Variants in RBM33 observed in about 807,000 individuals in gnomAD.
RBM33 encodes the protein RNA binding motif protein 33.
RBM33 carries 28 observed loss-of-function variants against 132.6 expected under a neutral mutation model. The observed-to-expected ratio is 0.21, with a 90% CI of 0.16 to 0.29. The LOEUF (loss-of-function observed/expected upper bound fraction) is 0.29, where lower values mean the gene tolerates loss of function less well. Among genes scored for constraint, RBM33 ranks in the 10% least tolerant of loss-of-function variants. The pLI, the probability that RBM33 is intolerant of heterozygous loss-of-function variation, is 1.00. For synonymous variants in RBM33, 634 were observed against 593.0 expected (o/e 1.07, Z -1.01); for missense variants, 1,291 against 1,518.5 (o/e 0.85, Z 2.49).
At chr7:155,722,289 C>T (rs948142705) in intron 9 of RBM33, among the ~76,000 whole-genome samples, 1 of 152,172 alleles carries the variant, frequency 6.6e-6, no homozygotes, top group African/African-American at 2.4e-5. Flanking sequence ...CTGGTCTGGC[C>T]TCTTAACCAT....
chr7:155,750,904 A>G (rs1801669117), intron 14 of RBM33, among the ~76,000 whole-genome samples: 1 of 152,206 alleles, frequency 6.6e-6, no homozygotes, highest in South Asian at 2.1e-4. Flanking sequence ...AGCAGCACAG[A>G]ATGCCCCCGC....
intron 5 of RBM33, among the ~76,000 whole-genome samples, chr7:155,698,563 A>G (rs1799865620): frequency 6.6e-6 from 1 of 152,204 alleles, no homozygotes; most frequent in African/African-American, 2.4e-5. Context: ...GTGGTTTGTC[A>G]GGTTAGTTTC....
In RBM33 at chr7:155,779,770, C is replaced by G. The variant is rs1032104539; in HGVS notation, c.*4729C>G. ...AAAATGCTTTTAATGTCTCAACTCT[C>G]TCTTTTCTGTGTCATGTTTTGGTAG... On this transcript the variant is annotated 3_prime_UTR_variant, in exon 18 of 18. Coordinates refer to ENST00000401878, the MANE Select transcript of RBM33 (RefSeq NM_053043.3). 4 of 152,150 alleles carry G rather than the reference C, an allele frequency of 2.6e-5. No individual in the cohort carries two copies. Among genetic ancestry groups the G allele is most frequent in the African/African-American group, 7.2e-5 (3 of 41,438 alleles). The allele number at this position is 152,150 out of a possible 1,614,324, so 9.4% of individuals were successfully genotyped here.
At chr7:155,653,201 C>T (rs1798402782) in intron 1 of RBM33, among the ~76,000 whole-genome samples, 1 of 151,978 alleles carries the variant, frequency 6.6e-6, no homozygotes, top group Non-Finnish European at 1.5e-5. Flanking sequence ...GCTTTCAGTT[C>T]TTTTGAGTGT....
intron 14 of RBM33, among the ~76,000 whole-genome samples, chr7:155,752,806 T>C (rs1377757733): frequency 3.3e-5 from 5 of 152,174 alleles, no homozygotes; most frequent in Non-Finnish European, 4.4e-5. Context: ...TGGATGCAGC[T>C]CAAGTGGGTC....
At chr7:155,762,328 CT>C (rs757397184) in intron 14 of RBM33, among the ~76,000 whole-genome samples, 1 of 152,216 alleles carries the variant, frequency 6.6e-6, no homozygotes, top group Non-Finnish European at 1.5e-5. Context: ...GCCAGTGCTG[CT>C]GGGGAACTTC....
intron 16 of RBM33, among the ~76,000 whole-genome samples, chr7:155,770,431 G>A (rs1802383157): frequency 6.6e-6 from 1 of 152,222 alleles, no homozygotes; most frequent in Non-Finnish European, 1.5e-5. Flanking sequence ...GGCTCACTGA[G>A]GCTCTGCAGG....
At chr7:155,760,914 T>G (rs1802012848) in intron 14 of RBM33, among the ~76,000 whole-genome samples, 1 of 152,158 alleles carries the variant, frequency 6.6e-6, no homozygotes. Context: ...GTGCTTCCAT[T>G]TTCATGTGGG....
intron 7 of RBM33, among the ~76,000 whole-genome samples, chr7:155,709,067 CT>C (rs1020756239): frequency 6.6e-6 from 1 of 151,938 alleles, no homozygotes; most frequent in African/African-American, 2.4e-5. Flanking sequence ...TTGAGCAGCT[CT>C]TTTTTGGGCT....
Position 155,706,493 on chromosome 7 carries a change from C to T in RBM33, c.740-367C>T, listed in dbSNP as rs1421081701. Among the ~76,000 whole-genome samples, 6 of 151,876 alleles carry T rather than the reference C, an allele frequency of 4.0e-5. No homozygotes were observed. The East Asian group carries it at 7.7e-4, about 20-fold the overall frequency. ...AGGGCAACAAAGTGAGACTCTGTCT[C>T]GGGGGGAAAAAGGATGGGACTGCAA... is the stretch of plus-strand genomic sequence containing the variant. On this transcript the variant is annotated intron_variant, in intron 6 of 17. Coordinates refer to ENST00000401878, the MANE Select transcript of RBM33 (RefSeq NM_053043.3).
intron 9 of RBM33, among the ~76,000 whole-genome samples, chr7:155,729,257 C>T (rs1800884785): frequency 6.6e-6 from 1 of 152,116 alleles, no homozygotes; most frequent in South Asian, 2.1e-4. Flanking sequence ...CACCAGGTCC[C>T]TCCCTCCACT....
chr7:155,740,005 C>G lies in RBM33; in HGVS notation c.2028C>G (p.Pro676=), dbSNP rs1801276553. 6.4e-7 allele frequency: 1 copy of G among 1,557,252 alleles called. No individual in the cohort carries two copies. Among genetic ancestry groups the G allele is most frequent in the Non-Finnish European group, 8.7e-7 (1 of 1,147,682 alleles). Residue 676 remains proline, a synonymous_variant, in exon 12 of 18, where the codon CCC becomes CCG. Coordinates refer to ENST00000401878, the MANE Select transcript of RBM33 (RefSeq NM_053043.3). ...PQASSSRMQC[P]QRQGLRHNTT... Reference sequence around the variant, plus strand: ...CCAGCAGCAGCCGGATGCAGTGCCCCCAGCGCCAGGGGCTCCGGCATGTAA... The same window carrying G: ...CCAGCAGCAGCCGGATGCAGTGCCCGCAGCGCCAGGGGCTCCGGCATGTAA...
chr7:155,720,855 AAT>A (rs1384902228), intron 9 of RBM33, among the ~76,000 whole-genome samples: 1 of 152,142 alleles, frequency 6.6e-6, no homozygotes, highest in Non-Finnish European at 1.5e-5. Flanking sequence ...GGGTTCAATC[AAT>A]ATTTGTCAAA....
At chr7:155,676,995 G>A (rs915174101) in intron 3 of RBM33, among the ~76,000 whole-genome samples, 1 of 152,160 alleles carries the variant, frequency 6.6e-6, no homozygotes, top group Non-Finnish European at 1.5e-5. Context: ...AAAAAGCTCA[G>A]AGAAACAGCC....
rs1218347507 is a variant in RBM33 at position 155,671,152 on chromosome 7, TATTGTTGACTAGACAGC to T, written c.123-1708_123-1692del. ...AATTTTCAAATGGGGTTATTGTAAA[TATTGTTGACTAGACAGC>T]ATTGTTTTCTCCCTGCCTCTGGAGG... is the stretch of plus-strand genomic sequence containing the variant. On this transcript the variant is annotated intron_variant, in intron 2 of 17. Transcript: ENST00000401878. Among the ~76,000 whole-genome samples, 9 of 152,308 alleles carry T rather than the reference TATTGTTGACTAGACAGC, an allele frequency of 5.9e-5. No homozygotes were observed. In the East Asian group the frequency reaches 1.7e-3, roughly 29 times the overall value.
chr7:155,757,189 T>A (rs928331016), intron 14 of RBM33, among the ~76,000 whole-genome samples: 1 of 152,150 alleles, frequency 6.6e-6, no homozygotes, highest in Non-Finnish European at 1.5e-5. Context: ...ATTTGACCCA[T>A]GGGTAGAAGT....
In RBM33 at chr7:155,644,804, G is replaced by C. The variant is rs969505773; in HGVS notation, c.-73G>C. 23 of 1,288,396 alleles carry C rather than the reference G, an allele frequency of 1.8e-5. No individual in the cohort carries two copies. Among genetic ancestry groups the C allele is most frequent in the Non-Finnish European group, 2.2e-5 (22 of 977,888 alleles). The allele number at this position is 1,288,396 out of a possible 1,614,324, so 79.8% of individuals were successfully genotyped here. ...TCTCTGTCCTCCGTCACCCGTACCC[G>C]GGCCCGGACCAGGCACGTCGGCCCA... On this transcript the variant is annotated 5_prime_UTR_variant, in exon 1 of 18. Coordinates refer to ENST00000401878, the MANE Select transcript of RBM33 (RefSeq NM_053043.3).
intron 3 of RBM33, among the ~76,000 whole-genome samples, chr7:155,673,766 GCGCACACA>G (rs1443303159): frequency 8.3e-5 from 10 of 120,302 alleles, no homozygotes; most frequent in East Asian, 2.3e-4. Context: ...GCGCGCATGC[GCGCACACA>G]CACACACACA....
chr7:155,665,294 C>T lies in RBM33; in HGVS notation c.122+41C>T, dbSNP rs757002140. 9 of 1,556,370 alleles carry T rather than the reference C, an allele frequency of 5.8e-6. No individual in the cohort carries two copies. In the South Asian group the frequency reaches 1.0e-4, roughly 17 times the overall value. On this transcript the variant is annotated intron_variant, in intron 2 of 17. Transcript: ENST00000401878. ...GCTTCACCTAACTGCCTGTGCCGAT[C>T]TCTCTCATTCTGACACTTGGCTCCT...
Sources: allele counts gnomAD v4.1 joint callset (sites outside exome capture counted in the v4.1 genomes callset), GRCh38; gene constraint gnomAD v4.1.1; transcripts MANE v1.5; gene names NCBI Gene and HGNC (gene_info 2026-07-23, HGNC 2026-07-21).